Variants in NEBL observed in about 807,000 individuals in gnomAD.
NEBL encodes the protein nebulette.
A neutral mutation model predicts 140.2 loss-of-function variants in NEBL; 122 were observed. That is an observed-to-expected ratio of 0.87 (90% CI 0.75 to 1.01). The LOEUF is 1.01. NEBL is among the 50% of genes least tolerant of loss of function. The pLI, the probability that NEBL is intolerant of heterozygous loss-of-function variation, is 0.00. For synonymous variants in NEBL, 436 were observed against 398.9 expected, an observed-to-expected ratio of 1.09 and a Z score of -1.11; for missense variants, 1,365 against 1,231.3, an observed-to-expected ratio of 1.11 and a Z score of -1.62.
chr10:21,096,242 T>C (rs1219743865), intron 2 of NEBL, among the ~76,000 whole-genome samples: 1 of 152,166 alleles, frequency 6.6e-6, no homozygotes, highest in African/African-American at 2.4e-5. Context: ...CCCTCTCTCT[T>C]CCCACTGTCC....
At chr10:21,155,982 G>A (rs1840322644) in intron 2 of NEBL, among the ~76,000 whole-genome samples, 1 of 152,122 alleles carries the variant, frequency 6.6e-6, no homozygotes, top group Non-Finnish European at 1.5e-5. Context: ...GCAATATTGG[G>A]AACAGCCCTA....
intron 22 of NEBL, among the ~76,000 whole-genome samples, chr10:20,814,929 T>C (rs1045808718): frequency 6.6e-6 from 1 of 152,226 alleles, no homozygotes. Context: ...AAAGCCTAAA[T>C]GCTGATTCTC....
intron 3 of NEBL, among the ~76,000 whole-genome samples, chr10:21,012,599 C>T (rs1042968308): frequency 3.9e-5 from 6 of 152,122 alleles, no homozygotes; most frequent in African/African-American, 1.2e-4. Context: ...ATCTTGAATC[C>T]TGGCCTCAAG....
intron 2 of NEBL, among the ~76,000 whole-genome samples, chr10:21,034,420 C>T (rs563615261): frequency 3.3e-5 from 5 of 152,308 alleles, no homozygotes; most frequent in Non-Finnish European, 7.3e-5. Flanking sequence ...AATCACACCA[C>T]TCTCAGCAGA....
chr10:21,276,861 T>A (rs1842930793), intron 1 of NEBL, among the ~76,000 whole-genome samples: 1 of 151,978 alleles, frequency 6.6e-6, no homozygotes, highest in African/African-American at 2.4e-5. Flanking sequence ...CCCAGCTACT[T>A]GTGAAGCTGA....
intron 13 of NEBL, among the ~76,000 whole-genome samples, chr10:20,839,329 A>C (rs1009170531): frequency 6.6e-6 from 1 of 152,192 alleles, no homozygotes; most frequent in Non-Finnish European, 1.5e-5. Flanking sequence ...ACGGCAACAG[A>C]AGAATTTGCA....
chr10:20,929,365 AG>A (rs1834068116), intron 4 of NEBL, among the ~76,000 whole-genome samples: 1 of 152,068 alleles, frequency 6.6e-6, no homozygotes, highest in South Asian at 2.1e-4. Flanking sequence ...GTCAATATTA[AG>A]GGTTGTGCTA....
chr10:20,888,552 G>A (rs559776285), intron 3 of NEBL, among the ~76,000 whole-genome samples: 240 of 152,336 alleles, frequency 1.6e-3, no homozygotes, highest in African/African-American at 5.4e-3. Context: ...AATGCAAGTC[G>A]TTAGAATCTA....
At chr10:21,013,875 T>C (rs1838452083) in intron 3 of NEBL, among the ~76,000 whole-genome samples, 1 of 152,094 alleles carries the variant, frequency 6.6e-6, no homozygotes, top group African/African-American at 2.4e-5. Context: ...AGACTCCATC[T>C]AAAACAAAAA....
chr10:20,995,044 C>T (rs1330913126), intron 3 of NEBL, among the ~76,000 whole-genome samples: 2 of 152,168 alleles, frequency 1.3e-5, no homozygotes, highest in East Asian at 3.9e-4. Flanking sequence ...ACACCTCTCC[C>T]AAAAGCCAAC....
chr10:21,001,506 A>C (rs11012474), intron 3 of NEBL, among the ~76,000 whole-genome samples: 34,087 of 152,090 alleles, frequency 0.22, 7,170 homozygotes, highest in African/African-American at 0.55. Flanking sequence ...AAGAAACCCC[A>C]AGGAACATCA....
At chr10:20,905,669 T>C (rs997004695) in intron 4 of NEBL, among the ~76,000 whole-genome samples, 1 of 151,878 alleles carries the variant, frequency 6.6e-6, no homozygotes, top group Non-Finnish European at 1.5e-5. Flanking sequence ...ATACTGAAAA[T>C]GGAATTAGTC....
intron 4 of NEBL, among the ~76,000 whole-genome samples, chr10:20,916,979 G>A (rs527951723): frequency 1.3e-5 from 2 of 152,158 alleles, no homozygotes; most frequent in Admixed American, 6.5e-5. Context: ...ATAATTTATA[G>A]TAAATATAAA....
Position 21,113,436 on chromosome 10 carries a change from G to A in NEBL, c.164+58947C>T, listed in dbSNP as rs181789906. On this transcript the variant is annotated intron_variant, in intron 2 of 6. Transcript: ENST00000417816. ...AAGCCAAGTTCATCAATTATGTGAA[G>A]AGTTGCTTCTGGATGACTGACCAGG... The A allele has an allele frequency of 6.4e-4, 268 of 416,304 alleles. 1 individual carries two copies. In the East Asian group the frequency reaches 0.018, roughly 28 times the overall value. The allele number at this position is 416,304 out of a possible 1,614,324, so 25.8% of individuals were successfully genotyped here.
At position 21,240,759 on chromosome 10, in the gene NEBL, T is replaced by C. The variant is rs542628452; in HGVS notation, n.348+7162A>G. Among the ~76,000 whole-genome samples the C allele has an allele frequency of 2.0e-5, 3 of 152,266 alleles. No homozygotes were observed. In the East Asian group the frequency reaches 5.8e-4, roughly 29 times the overall value. On this transcript the variant is annotated intron_variant and non_coding_transcript_variant, in intron 3 of 8. Coordinates refer to the NEBL transcript ENST00000675702. ...TACAAGTTCAGAATATAAAATAATA[T>C]ACCATCTTTTAGTTTTTTTCTGGGT...
rs788971 is a variant in NEBL at position 20,896,892 on chromosome 10, A to C, written c.153+66T>G. 1,268,307 of 1,295,164 alleles carry C rather than the reference A, an allele frequency of 0.98. 622,335 individuals carry two copies. Among genetic ancestry groups the C allele is most frequent in the Non-Finnish European group, 1 (885,406 of 889,572 alleles). The allele number at this position is 1,295,164 out of a possible 1,614,324, so 80.2% of individuals were successfully genotyped here. A position where few individuals can be genotyped will look rare whatever the true frequency, so the allele number is the denominator to read the frequency against. On this transcript the variant is annotated intron_variant, in intron 2 of 27. Coordinates refer to ENST00000377122, the MANE Select transcript of NEBL (RefSeq NM_006393.3). ...TCAGGGTTTCCCCCACAGCTCTATG[A>C]CTCTATAACATAATAATACCACAGG...
chr10:20,833,282 G>T (rs1840588315), intron 14 of NEBL, among the ~76,000 whole-genome samples: 1 of 152,136 alleles, frequency 6.6e-6, no homozygotes, highest in Admixed American at 6.5e-5. Flanking sequence ...AAAGTCACAT[G>T]GTCAAGCCCA....
At chr10:21,077,808 A>G (rs1836170846) in intron 2 of NEBL, among the ~76,000 whole-genome samples, 1 of 151,966 alleles carries the variant, frequency 6.6e-6, no homozygotes. Context: ...GTGGGAGGAA[A>G]TCTCTCTACC....
At chr10:20,889,719 A>C (rs1000233941) in intron 3 of NEBL, 126 bp downstream of exon 3, 2 of 702,498 alleles carry the variant, frequency 2.8e-6, no homozygotes, top group African/African-American at 3.6e-5. Context: ...ATAATTATGT[A>C]GCTATTACTA....
Sources: gnomAD v4.1 joint callset for allele counts (sites outside exome capture counted in the v4.1 genomes callset) on GRCh38, gnomAD v4.1.1 for gene constraint, MANE v1.5 for transcripts, NCBI Gene and HGNC (gene_info 2026-07-23, HGNC 2026-07-21) for gene names.